HELZ: variants seen among roughly 807,000 people sequenced by gnomAD.
HELZ encodes the protein ATP-dependent RNA helicase with zinc finger domain.
HELZ carries 23 observed loss-of-function variants against 218.2 expected under a neutral mutation model. The observed-to-expected ratio is 0.11, with a 90% CI of 0.08 to 0.15. The LOEUF is 0.15. Ranked by LOEUF, HELZ falls within the 10% of genes least tolerant of loss-of-function variation. The pLI, the probability that HELZ is intolerant of heterozygous loss-of-function variation, is 1.00. For synonymous variants in HELZ, 814 were observed against 829.4 expected, an observed-to-expected ratio of 0.98 and a Z score of 0.32; for missense variants, 1,813 against 2,353.7, an observed-to-expected ratio of 0.77 and a Z score of 4.75.
intron 17 of HELZ, among the ~76,000 whole-genome samples, chr17:67,159,051 C>A (rs1021412835): frequency 1.3e-5 from 2 of 152,096 alleles, no homozygotes; most frequent in Non-Finnish European, 2.9e-5. Context: ...TATAAGTGAA[C>A]AAAACAACTT....
intron 17 of HELZ, among the ~76,000 whole-genome samples, chr17:67,158,324 C>T (rs1331774701): frequency 1.3e-5 from 2 of 152,158 alleles, no homozygotes; most frequent in East Asian, 1.9e-4. Flanking sequence ...CATCCTGGGA[C>T]AATTCAGATA....
At chr17:67,178,437 G>A (rs923760965) in intron 13 of HELZ, among the ~76,000 whole-genome samples, 1 of 152,256 alleles carries the variant, frequency 6.6e-6, no homozygotes, top group African/African-American at 2.4e-5. Context: ...GTTTAATAAG[G>A]TCTTATAGAA....
chr17:67,125,838 C>G (rs1181164687), intron 24 of HELZ, among the ~76,000 whole-genome samples: 1 of 152,128 alleles, frequency 6.6e-6, no homozygotes, highest in African/African-American at 2.4e-5. Context: ...AGAAATTTCT[C>G]TGGCTGGAAT....
chr17:67,113,420 C>T (rs762054966), intron 28 of HELZ, among the ~76,000 whole-genome samples: 18 of 152,120 alleles, frequency 1.2e-4, no homozygotes, highest in Non-Finnish European at 2.1e-4. Context: ...CCACCACGCC[C>T]GGCTAATTTT....
chr17:67,109,827 T>G (rs1363657195), intron 28 of HELZ, 141 bp from the exon 29 acceptor site: 7 of 561,016 alleles, frequency 1.2e-5, no homozygotes, highest in Middle Eastern at 3.4e-4. Context: ...AATTATTTAC[T>G]TTCTCACAAT....
chr17:67,089,724 G>C (rs2036521622), intron 31 of HELZ, among the ~76,000 whole-genome samples: 1 of 147,778 alleles, frequency 6.8e-6, no homozygotes, highest in Non-Finnish European at 1.5e-5. Flanking sequence ...GAGAGAGACA[G>C]AGACAGAGAG....
chr17:67,187,147 C>T (rs1427108837), intron 12 of HELZ, among the ~76,000 whole-genome samples: 4 of 152,036 alleles, frequency 2.6e-5, no homozygotes, highest in Non-Finnish European at 5.9e-5. Context: ...ATATATAAGC[C>T]AAATACTTTA....
rs2037007386 is a variant in HELZ at position 67,103,896 on chromosome 17, C to T, written c.5241+3273G>A. On this transcript the variant is annotated intron_variant, in intron 31 of 32. Transcript: ENST00000358691. ...AGTGTGGTACTGGCAGAAAGACAGA[C>T]ACACAGATAAATGAAATACAATGGA... Among the ~76,000 whole-genome samples the T allele has an allele frequency of 2.0e-5, 3 of 152,280 alleles. No individual in the cohort carries two copies. The South Asian group carries it at 6.2e-4, about 32-fold the overall frequency.
At chr17:67,126,611 G>A (rs927930637) in intron 24 of HELZ, among the ~76,000 whole-genome samples, 7 of 152,256 alleles carry the variant, frequency 4.6e-5, no homozygotes, top group Non-Finnish European at 8.8e-5. Flanking sequence ...CACTTTGGGA[G>A]GTCAAGGCAG....
At chr17:67,225,063 A>G in intron 3 of HELZ, 1 of 585,342 alleles carries the variant, frequency 1.7e-6, no homozygotes, top group Non-Finnish European at 3.1e-6. Flanking sequence ...TATTATGAAG[A>G]CAATAAAATC....
chr17:67,167,819 G>A (rs1385115475), intron 13 of HELZ, 23 bp from the exon 14 acceptor site: 3 of 1,476,496 alleles, frequency 2.0e-6, no homozygotes, highest in Non-Finnish European at 2.8e-6. Context: ...TAGAAAACTA[G>A]TTTGAATATT....
At chr17:67,231,920 G>A (rs1056765630) in intron 3 of HELZ, among the ~76,000 whole-genome samples, 1 of 151,298 alleles carries the variant, frequency 6.6e-6, no homozygotes, top group African/African-American at 2.4e-5. Context: ...AGGCGTGGTG[G>A]CAGGCGCCTG....
intron 17 of HELZ, among the ~76,000 whole-genome samples, chr17:67,159,618 T>C (rs2038941273): frequency 6.6e-6 from 1 of 152,142 alleles, no homozygotes; most frequent in Non-Finnish European, 1.5e-5. Context: ...ATTTGATGAT[T>C]CTTTATTGTT....
intron 5 of HELZ, among the ~76,000 whole-genome samples, chr17:67,209,856 G>A (rs563579429): frequency 1.9e-4 from 29 of 152,212 alleles, no homozygotes; most frequent in African/African-American, 4.8e-5. Context: ...AATAAATACT[G>A]TTAACTCATT....
intron 27 of HELZ, among the ~76,000 whole-genome samples, chr17:67,115,509 T>A (rs1351099194): frequency 6.6e-6 from 1 of 151,886 alleles, no homozygotes; most frequent in African/African-American, 2.4e-5. Context: ...TCAAGGCATA[T>A]CATAATCAAA....
chr17:67,135,524 T>G (rs2038123416), intron 23 of HELZ, among the ~76,000 whole-genome samples: 1 of 152,218 alleles, frequency 6.6e-6, no homozygotes. Context: ...CAAGCTAGTC[T>G]GCACCGTCCT....
chr17:67,176,607 G>A (rs1403694951), intron 13 of HELZ: 6 of 152,246 alleles, frequency 3.9e-5, no homozygotes, highest in East Asian at 1.9e-4. Flanking sequence ...AGGCCAGAGC[G>A]GGTGGATCAC....
At chr17:67,224,894 G>A (rs369506377) in intron 3 of HELZ, 3 of 756,524 alleles carry the variant, frequency 4.0e-6, no homozygotes, top group East Asian at 6.0e-5. Flanking sequence ...CCGATCTTCC[G>A]GAAGAAGGCT....
chr17:67,244,776 G>A (rs1598499726), intron 1 of HELZ: 2 of 985,154 alleles, frequency 2.0e-6, no homozygotes, highest in East Asian at 2.3e-4. Flanking sequence ...GCCGCGACCC[G>A]GAGGAGGGGA....
Sources: gnomAD v4.1 joint callset for allele counts (sites outside exome capture counted in the v4.1 genomes callset) on GRCh38, gnomAD v4.1.1 for gene constraint, MANE v1.5 for transcripts, NCBI Gene and HGNC (gene_info 2026-07-23, HGNC 2026-07-21) for gene names.